CDH18: variants seen among roughly 807,000 people sequenced by gnomAD.
The protein encoded by CDH18 is cadherin 18.
CDH18 carries 31 observed loss-of-function variants against 67.9 expected under a neutral mutation model. The observed-to-expected ratio is 0.46, with a 90% CI of 0.34 to 0.62. The LOEUF is 0.62. Ranked by LOEUF, CDH18 falls within the 20% of genes least tolerant of loss-of-function variation. The pLI is 0.01. For missense variants in CDH18, 890 were observed against 975.5 expected (o/e 0.91, Z 1.17); for synonymous variants, 362 against 347.2 (o/e 1.04, Z -0.48).
At chr5:20,494,754 G>A (rs756406573) in intron 1 of CDH18, among the ~76,000 whole-genome samples, 6 of 152,138 alleles carry the variant, frequency 3.9e-5, no homozygotes, top group Admixed American at 6.6e-5. Flanking sequence ...ACCTTCTTTA[G>A]AGCAATGCAG....
At chr5:20,405,500 G>T (rs887506817) in intron 1 of CDH18, among the ~76,000 whole-genome samples, 3 of 152,110 alleles carry the variant, frequency 2.0e-5, no homozygotes, top group Non-Finnish European at 4.4e-5. Context: ...GAAAACCTAG[G>T]CAATACCATT....
intron 2 of CDH18, among the ~76,000 whole-genome samples, chr5:19,865,849 T>C (rs898628456): frequency 1.3e-5 from 2 of 152,186 alleles, no homozygotes; most frequent in East Asian, 3.9e-4. Context: ...TTCCCCAGGT[T>C]CTAACTAGGG....
intron 4 of CDH18, among the ~76,000 whole-genome samples, chr5:19,730,561 T>C (rs988471674): frequency 1.3e-5 from 2 of 152,204 alleles, no homozygotes; most frequent in Non-Finnish European, 2.9e-5. Context: ...AAATTTCATA[T>C]GCATCTTATT....
intron 1 of CDH18, among the ~76,000 whole-genome samples, chr5:20,454,848 C>G (rs1224369372): frequency 6.6e-6 from 1 of 151,932 alleles, no homozygotes; most frequent in Non-Finnish European, 1.5e-5. Context: ...AAATTCACTG[C>G]CGTTATAGCA....
At chr5:19,482,209 A>G (rs886738829) in intron 12 of CDH18, among the ~76,000 whole-genome samples, 6 of 151,892 alleles carry the variant, frequency 4.0e-5, no homozygotes, top group Non-Finnish European at 5.9e-5. Context: ...TCCGCCTCCC[A>G]GGTTCATGCC....
At chr5:19,980,268 A>C (rs1390035242) in intron 2 of CDH18, among the ~76,000 whole-genome samples, 1 of 152,172 alleles carries the variant, frequency 6.6e-6, no homozygotes, top group Non-Finnish European at 1.5e-5. Flanking sequence ...GACCTCTACA[A>C]GGAGAACTAT....
chr5:20,235,686 A>C (rs557346400), intron 2 of CDH18, among the ~76,000 whole-genome samples: 1 of 152,338 alleles, frequency 6.6e-6, no homozygotes, highest in Non-Finnish European at 1.5e-5. Flanking sequence ...GGGAACCTAA[A>C]TTAATTCAGT....
At chr5:20,204,401 T>C (rs551317574) in intron 2 of CDH18, among the ~76,000 whole-genome samples, 1 of 151,998 alleles carries the variant, frequency 6.6e-6, no homozygotes, top group Admixed American at 6.6e-5. Context: ...TCAGCAATTC[T>C]GTCCTTCAAA....
intron 1 of CDH18, among the ~76,000 whole-genome samples, chr5:19,983,642 T>A (rs1366615141): frequency 6.6e-6 from 1 of 152,208 alleles, no homozygotes; most frequent in African/African-American, 2.4e-5. Context: ...CAGAACTTTC[T>A]AGTATCCACA....
intron 2 of CDH18, among the ~76,000 whole-genome samples, chr5:20,147,042 G>T (rs887614148): frequency 6.6e-5 from 10 of 152,186 alleles, no homozygotes; most frequent in Admixed American, 2.6e-4. Context: ...ACTCACAGTG[G>T]AGTTTGTAAT....
chr5:19,657,173 T>C (rs1756522177), intron 5 of CDH18, among the ~76,000 whole-genome samples: 1 of 152,124 alleles, frequency 6.6e-6, no homozygotes, highest in Admixed American at 6.6e-5. Context: ...TCAATTACAG[T>C]TTGCTACCAA....
intron 2 of CDH18, among the ~76,000 whole-genome samples, chr5:20,025,226 T>TTAG (rs1194278305): frequency 2.4e-4 from 37 of 152,328 alleles, no homozygotes; most frequent in Admixed American, 2.2e-3. Flanking sequence ...TGTACAGATC[T>TTAG]TAGTACACTG....
At chr5:19,978,690 A>G (rs1052758752) in intron 2 of CDH18, among the ~76,000 whole-genome samples, 2 of 152,082 alleles carry the variant, frequency 1.3e-5, no homozygotes, top group Admixed American at 6.6e-5. Context: ...CTGGATGCTG[A>G]CCAAAGCACT....
chr5:20,205,232 C>A (rs149689237), intron 2 of CDH18, among the ~76,000 whole-genome samples: 1 of 151,874 alleles, frequency 6.6e-6, no homozygotes, highest in Non-Finnish European at 1.5e-5. Flanking sequence ...GCAGGAGGAA[C>A]TATACACATA....
chr5:19,821,409 A>C (rs917802954), intron 3 of CDH18, among the ~76,000 whole-genome samples: 6 of 151,126 alleles, frequency 4.0e-5, no homozygotes, highest in Non-Finnish European at 5.9e-5. Flanking sequence ...CAAAAAACAA[A>C]AAAAAAAAAA....
chr5:20,471,617 T>G (rs994435333), intron 1 of CDH18, among the ~76,000 whole-genome samples: 6 of 151,686 alleles, frequency 4.0e-5, no homozygotes, highest in Non-Finnish European at 5.9e-5. Flanking sequence ...CTGGCCAATA[T>G]GGTGAAACGC....
intron 1 of CDH18, among the ~76,000 whole-genome samples, chr5:20,562,588 T>C (rs1453629259): frequency 1.3e-5 from 2 of 151,638 alleles, no homozygotes; most frequent in Non-Finnish European, 3.0e-5. Flanking sequence ...TTCTAATATA[T>C]CTTATAATTA....
At chr5:19,808,820 G>A (rs60349240) in intron 3 of CDH18, among the ~76,000 whole-genome samples, 2,008 of 89,870 alleles carry the variant, frequency 0.022, 49 homozygotes, top group African/African-American at 0.076. Flanking sequence ...TGACAAGAGC[G>A]AAACTCTGTC....
chr5:20,318,967 A>C (rs1003747045), intron 1 of CDH18, among the ~76,000 whole-genome samples: 4 of 152,076 alleles, frequency 2.6e-5, no homozygotes, highest in African/African-American at 9.7e-5. Flanking sequence ...CACCCATGGC[A>C]TCCAGACCCT....
Sources: allele counts gnomAD v4.1 joint callset (sites outside exome capture counted in the v4.1 genomes callset), GRCh38; gene constraint gnomAD v4.1.1; transcripts MANE v1.5; gene names NCBI Gene and HGNC (gene_info 2026-07-23, HGNC 2026-07-21).